KIZ: variants seen among roughly 807,000 people sequenced by gnomAD.
KIZ encodes the protein kizuna centrosomal protein.
Under a neutral mutation model 79.6 loss-of-function variants are expected in KIZ, and 68 were observed. The observed-to-expected ratio is 0.85, with a 90% CI of 0.70 to 1.05. The LOEUF (loss-of-function observed/expected upper bound fraction) is 1.05, where lower values mean the gene tolerates loss of function less well. Among genes scored for constraint, KIZ ranks in the 50% least tolerant of loss-of-function variants. The pLI is 0.00. For missense variants in KIZ, 797 were observed against 800.4 expected (o/e 1.00, Z 0.05); for synonymous variants, 280 against 281.8 (o/e 0.99, Z 0.06).
At chr20:21,243,324 T>G (rs2123524194) in intron 11 of KIZ, among the ~76,000 whole-genome samples, 1 of 150,382 alleles carries the variant, frequency 6.6e-6, no homozygotes, top group South Asian at 2.1e-4. Flanking sequence ...AAAAAGTAAA[T>G]TATAGCAAAA....
At chr20:21,187,545 G>A (rs1395945350) in intron 6 of KIZ, among the ~76,000 whole-genome samples, 1 of 152,146 alleles carries the variant, frequency 6.6e-6, no homozygotes, top group Non-Finnish European at 1.5e-5. Flanking sequence ...GTGCCATCAT[G>A]CCTTCTTGTT....
At chr20:21,148,435 ATAGT>A (rs1188371945) in intron 4 of KIZ, among the ~76,000 whole-genome samples, 7 of 152,148 alleles carry the variant, frequency 4.6e-5, no homozygotes, top group African/African-American at 7.2e-5. Context: ...AGAAGGATTA[ATAGT>A]TAGTCTGTTC....
chr20:21,129,618 C>G (rs2031708566), intron 1 of KIZ, among the ~76,000 whole-genome samples: 1 of 151,948 alleles, frequency 6.6e-6, no homozygotes, highest in African/African-American at 2.4e-5. Context: ...GCCTGTAATC[C>G]TAGCTACTTG....
intron 10 of KIZ, among the ~76,000 whole-genome samples, chr20:21,229,871 C>A (rs908510529): frequency 2.6e-5 from 4 of 152,128 alleles, no homozygotes; most frequent in Admixed American, 6.5e-5. Context: ...CCACCATGCC[C>A]AGTGAGGAAA....
intron 9 of KIZ, chr20:21,218,192 A>G (rs561079157): frequency 6.6e-6 from 1 of 152,144 alleles, no homozygotes; most frequent in African/African-American, 2.4e-5. Context: ...TACTTTTCCA[A>G]TTTCCACTTA....
At chr20:21,147,619 A>C (rs919685513) in intron 4 of KIZ, among the ~76,000 whole-genome samples, 1 of 152,228 alleles carries the variant, frequency 6.6e-6, no homozygotes, top group African/African-American at 2.4e-5. Flanking sequence ...GTTGTTAAGC[A>C]TCAGTTCTCT....
chr20:21,213,545 A>G (rs910574965), intron 7 of KIZ: 2 of 152,232 alleles, frequency 1.3e-5, no homozygotes, highest in Admixed American at 1.3e-4. Context: ...CCTGTGGGTC[A>G]CCACCACCAC....
chr20:21,138,574 A>C (rs2032330120), intron 3 of KIZ, among the ~76,000 whole-genome samples: 2 of 152,146 alleles, frequency 1.3e-5, no homozygotes, highest in Non-Finnish European at 1.5e-5. Context: ...TATACTTCCA[A>C]CTGCATCCCA....
At chr20:21,135,050 A>G (rs2032106468) in intron 2 of KIZ, among the ~76,000 whole-genome samples, 1 of 152,188 alleles carries the variant, frequency 6.6e-6, no homozygotes, top group African/African-American at 2.4e-5. Context: ...CCCGGTGTGT[A>G]GAAGTCCTTT....
In KIZ at chr20:21,156,192, C is replaced by T. The variant is rs1427131474; in HGVS notation, c.406-5679C>T. Among the ~76,000 whole-genome samples the T allele has an allele frequency of 2.0e-5, 3 of 152,312 alleles. No individual in the cohort carries two copies. The South Asian group carries it at 6.2e-4, about 32-fold the overall frequency. On this transcript the variant is annotated intron_variant, in intron 4 of 12. Coordinates refer to ENST00000619189, the MANE Select transcript of KIZ (RefSeq NM_018474.6). ...CACCATTGTTACCATCTTACATTAC[C>T]ATGCCACACTTGGCAAATCTAGGAA... is the stretch of plus-strand genomic sequence containing the variant.
At chr20:21,127,635 G>A (rs950852962) in intron 1 of KIZ, among the ~76,000 whole-genome samples, 3 of 152,214 alleles carry the variant, frequency 2.0e-5, no homozygotes, top group Non-Finnish European at 4.4e-5. Flanking sequence ...ATCTGTTGCT[G>A]TGTGTGTTCA....
At position 21,145,641 on chromosome 20, in the gene KIZ, A is replaced by G; in HGVS notation, c.392A>G (p.Glu131Gly). ...SLGLKEELTD[E>G]DREKVAVHEG... is the part of the protein sequence containing the mutation. ...GGACTAAAAGAGGAACTGACAGATGAAGACAGAGAAAAGGTAATAAACTAA... is the reference window on the plus strand; with the variant it reads ...GGACTAAAAGAGGAACTGACAGATGGAGACAGAGAAAAGGTAATAAACTAA... Residue 131 changes from glutamate (E) to glycine (G), a missense_variant, in exon 4 of 13, where the codon GAA (glutamate) becomes GGA (glycine). Physicochemically the swap from Glu to Gly is moderately conservative, Grantham distance 98. Transcript: ENST00000619189. 10 of 1,486,338 alleles carry G rather than the reference A, an allele frequency of 6.7e-6. No homozygotes were observed. Among genetic ancestry groups the G allele is most frequent in the Non-Finnish European group, 9.1e-6 (10 of 1,096,128 alleles). The allele number at this position is 1,486,338 out of a possible 1,614,324, so 92.1% of individuals were successfully genotyped here.
At chr20:21,159,530 G>A (rs721785) in intron 4 of KIZ, among the ~76,000 whole-genome samples, 87,929 of 149,452 alleles carry the variant, frequency 0.59, 27,100 homozygotes, top group South Asian at 0.78. Context: ...CCAGCCCTTC[G>A]GTCCCCAGCC....
chr20:21,244,248 T>C lies in KIZ; in HGVS notation c.1884T>C (p.His628=), dbSNP rs1221093235. 6.9e-6 allele frequency: 11 copies of C among 1,591,616 alleles called. No individual in the cohort carries two copies. In the East Asian group the frequency reaches 2.5e-4, roughly 36 times the overall value. Reference sequence around the variant, plus strand: ...AGACTGTTTCTTTATTTTGCAGGCATGAAAACAAAAAGAAACCCGTGATCA... The same window carrying C: ...AGACTGTTTCTTTATTTTGCAGGCACGAAAACAAAAAGAAACCCGTGATCA... ...SSSEGSPLSR[H]ENKKKPVINL... The change falls in exon 12 of 13, where the codon CAT becomes CAC. Residue 628 remains histidine (H), a synonymous_variant. Transcript: ENST00000619189.
intron 6 of KIZ, among the ~76,000 whole-genome samples, chr20:21,176,260 A>G (rs988598715): frequency 2.6e-5 from 4 of 152,168 alleles, no homozygotes; most frequent in Admixed American, 6.5e-5. Context: ...CAGTGAGCCA[A>G]GATCGCACCA....
chr20:21,155,069 G>A (rs1164566066), intron 4 of KIZ, among the ~76,000 whole-genome samples: 2 of 152,196 alleles, frequency 1.3e-5, no homozygotes, highest in East Asian at 1.9e-4. Flanking sequence ...CGGTGGGAAT[G>A]TAAAATGGTG....
intron 4 of KIZ, among the ~76,000 whole-genome samples, chr20:21,153,828 G>T (rs2033237570): frequency 6.6e-6 from 1 of 151,830 alleles, no homozygotes; most frequent in African/African-American, 2.4e-5. Flanking sequence ...CCTCTTATAA[G>T]GACACCAATT....
chr20:21,189,626 G>A (rs1483299317), intron 6 of KIZ, among the ~76,000 whole-genome samples: 2 of 152,210 alleles, frequency 1.3e-5, no homozygotes, highest in Non-Finnish European at 2.9e-5. Flanking sequence ...CCAAAGTGGG[G>A]AAAAGGCAAG....
chr20:21,130,580 T>A (rs1394299182), intron 1 of KIZ, among the ~76,000 whole-genome samples: 3 of 152,254 alleles, frequency 2.0e-5, no homozygotes, highest in Non-Finnish European at 4.4e-5. Context: ...AGGTAAAGAT[T>A]TGTGATGCTA....
Sources: gnomAD v4.1 joint callset for allele counts (sites outside exome capture counted in the v4.1 genomes callset) on GRCh38, gnomAD v4.1.1 for gene constraint, MANE v1.5 for transcripts, NCBI Gene and HGNC (gene_info 2026-07-23, HGNC 2026-07-21) for gene names.